NEDD4L: variants seen among roughly 807,000 people sequenced by gnomAD.
The protein encoded by NEDD4L is E3 ubiquitin-protein ligase NEDD4-like.
A neutral mutation model predicts 148.9 loss-of-function variants in NEDD4L; 54 were observed. That is an observed-to-expected ratio of 0.36 (90% CI 0.29 to 0.45). The LOEUF (loss-of-function observed/expected upper bound fraction) is 0.45. Ranked by LOEUF, NEDD4L falls within the 20% of genes least tolerant of loss-of-function variation. NEDD4L has a pLI of 1.00. For missense variants in NEDD4L, 856 were observed against 1,233.8 expected, an observed-to-expected ratio of 0.69 and a Z score of 4.59; for synonymous variants, 433 against 440.7, an observed-to-expected ratio of 0.98 and a Z score of 0.22.
chr18:58,366,261 C>A lies in NEDD4L; in HGVS notation c.2063+33C>A. On this transcript the variant is annotated intron_variant, in intron 21 of 30. Transcript: ENST00000400345. This position sits in a 1 kb window ranked among gnomAD's most constrained non-coding sequence, Gnocchi z 4.2. ...TATGGCCACACCCAGTGTGTGTCCCCCACTGAGACAGTTGTATGAATTTAA... is the reference window on the plus strand; with the variant it reads ...TATGGCCACACCCAGTGTGTGTCCCACACTGAGACAGTTGTATGAATTTAA... The A allele has an allele frequency of 7.2e-7, 1 of 1,383,156 alleles. No homozygotes were observed. The highest frequency in any genetic ancestry group is 1.4e-5 in the African/African-American group (1 of 69,454). 85.7% of individuals were successfully genotyped at this position (1,383,156 alleles called of 1,614,324 possible). A position where few individuals can be genotyped will look rare whatever the true frequency, so the allele number is the denominator to read the frequency against.
chr18:58,146,898 TACG>T (rs2034152580), intron 1 of NEDD4L, among the ~76,000 whole-genome samples: 1 of 152,128 alleles, frequency 6.6e-6, no homozygotes, highest in South Asian at 2.1e-4. Context: ...GCCTGGAAAT[TACG>T]TTGCTGGTGC....
intron 5 of NEDD4L, among the ~76,000 whole-genome samples, chr18:58,286,388 G>C (rs73437248): frequency 0.024 from 3,714 of 152,264 alleles, 132 homozygotes; most frequent in African/African-American, 0.085. Flanking sequence ...TATTCTGAAG[G>C]ATGAGTCTTA....
intron 1 of NEDD4L, among the ~76,000 whole-genome samples, chr18:58,147,666 T>C (rs2034239550): frequency 2.0e-5 from 3 of 152,034 alleles, no homozygotes; most frequent in Non-Finnish European, 4.4e-5. Flanking sequence ...TACACGCGAG[T>C]TCAGTTTGCA....
chr18:58,159,731 A>G (rs2035959040), intron 1 of NEDD4L, among the ~76,000 whole-genome samples: 1 of 152,194 alleles, frequency 6.6e-6, no homozygotes, highest in Non-Finnish European at 1.5e-5. Flanking sequence ...TAACTTACAT[A>G]TTTATGTGGT....
chr18:58,337,239 T>G (rs913592259), intron 13 of NEDD4L, among the ~76,000 whole-genome samples: 1 of 152,202 alleles, frequency 6.6e-6, no homozygotes, highest in African/African-American at 2.4e-5. Flanking sequence ...TTGGCAATAT[T>G]CATTCCTAAG....
chr18:58,375,032 C>T (rs2047379611), intron 24 of NEDD4L, among the ~76,000 whole-genome samples: 1 of 152,150 alleles, frequency 6.6e-6, no homozygotes, highest in East Asian at 1.9e-4. Context: ...TTTTTCCTCC[C>T]CAGCCCCCAC....
At chr18:58,047,357 G>A in intron 1 of NEDD4L, 1 of 985,086 alleles carries the variant, frequency 1.0e-6, no homozygotes, top group Non-Finnish European at 1.2e-6. Context: ...TGTTTGGAGT[G>A]CACTTAGTTA....
chr18:58,311,433 C>T (rs1050973199), intron 5 of NEDD4L, among the ~76,000 whole-genome samples: 1 of 152,180 alleles, frequency 6.6e-6, no homozygotes, highest in Non-Finnish European at 1.5e-5. Flanking sequence ...ACGATCATAG[C>T]TCCTTGCACC....
chr18:58,142,323 C>T (rs968501752), intron 1 of NEDD4L, among the ~76,000 whole-genome samples: 13 of 136,628 alleles, frequency 9.5e-5, no homozygotes, highest in Non-Finnish European at 1.8e-4. Context: ...GCTGGGATTA[C>T]AGGCGTGAAC....
intron 30 of NEDD4L, among the ~76,000 whole-genome samples, chr18:58,393,175 A>G (rs142607274): frequency 6.6e-6 from 1 of 152,330 alleles, no homozygotes; most frequent in East Asian, 1.9e-4. Context: ...TCAGGGACAC[A>G]TATCTTACTA....
chr18:58,235,018 C>T (rs536731300), intron 2 of NEDD4L, among the ~76,000 whole-genome samples: 6 of 152,008 alleles, frequency 3.9e-5, no homozygotes, highest in East Asian at 1.9e-4. Flanking sequence ...AATAAGTTCC[C>T]GAGGTACTTC....
At chr18:58,342,746 G>A (rs1306883786) in intron 15 of NEDD4L, among the ~76,000 whole-genome samples, 160 bp from the exon 16 acceptor site, 2 of 152,326 alleles carry the variant, frequency 1.3e-5, no homozygotes, top group African/African-American at 4.8e-5. Flanking sequence ...AAAATGTAAA[G>A]TTAGATTGAT....
At chr18:58,251,535 T>A (rs1279192559) in intron 4 of NEDD4L, among the ~76,000 whole-genome samples, 1 of 150,228 alleles carries the variant, frequency 6.7e-6, no homozygotes, top group South Asian at 2.2e-4. Context: ...GTCTGTGTGT[T>A]TGTGTGTATG....
At chr18:58,357,312 T>G in intron 19 of NEDD4L, 60 bp downstream of exon 19, 1 of 1,362,184 alleles carries the variant, frequency 7.3e-7, no homozygotes, top group Admixed American at 1.7e-5. Flanking sequence ...TTTACGTGTT[T>G]CTTGTGTATT....
chr18:58,375,975 A>G (rs1034343685), intron 24 of NEDD4L, among the ~76,000 whole-genome samples: 1 of 152,188 alleles, frequency 6.6e-6, no homozygotes, highest in Non-Finnish European at 1.5e-5. Context: ...TTTTTAACAT[A>G]TGAAGGAAGG....
intron 1 of NEDD4L, among the ~76,000 whole-genome samples, chr18:58,127,558 G>A (rs966539408): frequency 4.6e-5 from 7 of 151,570 alleles, no homozygotes; most frequent in Non-Finnish European, 7.4e-5. Context: ...AAAAAAAATC[G>A]GCCGGGTGCG....
intron 6 of NEDD4L, among the ~76,000 whole-genome samples, chr18:58,318,036 C>A (rs80033722): frequency 6.6e-6 from 1 of 152,078 alleles, no homozygotes; most frequent in Admixed American, 6.5e-5. Flanking sequence ...CAGGTGCTTT[C>A]GTGTGTATGT....
intron 11 of NEDD4L, 108 bp from the exon 12 acceptor site, chr18:58,333,710 A>G (rs553738617): frequency 4.6e-4 from 346 of 746,948 alleles, no homozygotes; most frequent in Non-Finnish European, 7.5e-4. Context: ...ATTACCTTCT[A>G]ATATCGAAGA....
intron 5 of NEDD4L, among the ~76,000 whole-genome samples, chr18:58,302,112 G>C (rs1411569711): frequency 6.6e-6 from 1 of 152,144 alleles, no homozygotes; most frequent in African/African-American, 2.4e-5. Context: ...GAGGATTACT[G>C]TTGATGACAC....
Sources: gnomAD v4.1 joint callset for allele counts (sites outside exome capture counted in the v4.1 genomes callset) on GRCh38, gnomAD v4.1.1 for gene constraint, Gnocchi (gnomAD v3.1) non-coding constraint, MANE v1.5 for transcripts, NCBI Gene and HGNC (gene_info 2026-07-23, HGNC 2026-07-21) for gene names.